Variants in DGCR2 observed in about 807,000 individuals in gnomAD.
DGCR2 encodes the protein DiGeorge syndrome critical region gene 2.
Under a neutral mutation model 51.6 loss-of-function variants are expected in DGCR2, and 24 were observed. That is an observed-to-expected ratio of 0.47 (90% CI 0.34 to 0.65). The LOEUF is 0.65. Ranked by LOEUF, DGCR2 falls within the 30% of genes least tolerant of loss-of-function variation. The probability of loss-of-function intolerance (pLI) is 0.01; values close to 1 mark genes in which losing one functional copy is unlikely to be tolerated. For missense variants in DGCR2, 765 were observed against 772.1 expected (o/e 0.99, Z 0.11); for synonymous variants, 340 against 315.4 (o/e 1.08, Z -0.82).
chr22:19,062,774 TGCTC>T (rs1179793472), intron 5 of DGCR2, among the ~76,000 whole-genome samples: 2 of 113,864 alleles, frequency 1.8e-5, no homozygotes, highest in Non-Finnish European at 3.8e-5. Context: ...CACACATGCA[TGCTC>T]ACTCTCTCTC....
At chr22:19,118,395 AAAAC>A (rs2083395968) in intron 1 of DGCR2, among the ~76,000 whole-genome samples, 1 of 149,924 alleles carries the variant, frequency 6.7e-6, no homozygotes, top group Non-Finnish European at 1.5e-5. Flanking sequence ...AAAAAAAAAA[AAAAC>A]AACTCTGGAC....
At position 19,037,054 on chromosome 22, in the gene DGCR2, T is replaced by A. The variant is rs2082377126; in HGVS notation, c.*1811A>T. ...CACCCATAATGCACATGCCTGCTGC[T>A]CTGGAACCTGGCTGCCCTGCCCCAG... On this transcript the variant is annotated 3_prime_UTR_variant, in exon 10 of 10. Transcript: ENST00000263196. 6.6e-6 allele frequency: 1 copy of A among 152,396 alleles called. No homozygotes were observed. The highest frequency in any genetic ancestry group is 2.4e-5 in the African/African-American group (1 of 41,452). The allele number at this position is 152,396 out of a possible 1,614,324, so 9.4% of individuals were successfully genotyped here. A position where few individuals can be genotyped will look rare whatever the true frequency, so the allele number is the denominator to read the frequency against.
At chr22:19,064,434 G>T (rs556006115) in intron 4 of DGCR2, among the ~76,000 whole-genome samples, 73 of 152,212 alleles carry the variant, frequency 4.8e-4, no homozygotes, top group Admixed American at 1.8e-3. Context: ...GTCTTGAAGC[G>T]AAGGCCCCCT....
At chr22:19,114,649 C>T (rs1324452211) in intron 1 of DGCR2, among the ~76,000 whole-genome samples, 1 of 152,224 alleles carries the variant, frequency 6.6e-6, no homozygotes, top group African/African-American at 2.4e-5. Context: ...CTGGCCCGGT[C>T]CTGTGGTCAG....
rs568148185 is a variant in DGCR2, at chr22:19,117,299, A to G, written c.79+4829T>C. Among the ~76,000 whole-genome samples, 11 of 152,354 alleles carry G rather than the reference A, an allele frequency of 7.2e-5. No homozygotes were observed. The East Asian group carries it at 2.1e-3, about 29-fold the overall frequency. On this transcript the variant is annotated intron_variant, in intron 1 of 9. Coordinates refer to ENST00000263196, the MANE Select transcript of DGCR2 (RefSeq NM_005137.3). ...GAAGGCGCAGCCTAACACAGCACAA[A>G]TCTTCCACAACAGCAGTCTTCATTC...
At chr22:19,093,992 A>C (rs2083109788) in intron 1 of DGCR2, among the ~76,000 whole-genome samples, 1 of 151,134 alleles carries the variant, frequency 6.6e-6, no homozygotes, top group Admixed American at 6.6e-5. Context: ...GGCAACAGCA[A>C]GACCTCCCCA....
intron 2 of DGCR2, among the ~76,000 whole-genome samples, chr22:19,083,086 C>CAAAAAA (rs60335630): frequency 8.5e-6 from 1 of 118,264 alleles, no homozygotes. Context: ...GACCTTGTCT[C>CAAAAAA]AAAAAAAAAA....
chr22:19,065,054 C>T lies in DGCR2; in HGVS notation c.342G>A (p.Lys114=). The change falls in exon 4 of 10, where the codon AAG becomes AAA. Residue 114 remains lysine (K), a synonymous_variant. Coordinates refer to ENST00000263196, the MANE Select transcript of DGCR2 (RefSeq NM_005137.3). The part of the protein sequence containing the change: ...QPVRFSSFLG[K]CPTGWHHYEG... ...CGTAGTGGTGCCACCCTGTCGGGCA[C>T]TTCCCTAGGAAACATAAAGGACAGA... 1 of 1,613,888 alleles carries T rather than the reference C, an allele frequency of 6.2e-7. No individual in the cohort carries two copies. The highest frequency in any genetic ancestry group is 8.5e-7 in the Non-Finnish European group (1 of 1,180,000).
chr22:19,063,210 G>C lies in DGCR2; in HGVS notation c.617C>G (p.Ala206Gly), dbSNP rs931311506. The C allele has an allele frequency of 6.2e-7, 1 of 1,614,122 alleles. No homozygotes were observed. The highest frequency in any genetic ancestry group is 8.5e-7 in the Non-Finnish European group (1 of 1,179,994). Reference protein sequence around the residue: ...NRSLEGRWEVAFKGSSEVFLP... With the variant: ...NRSLEGRWEVGFKGSSEVFLP... ...ACACCAGAAGGGCTCACCTTTGAAT[G>C]CCACCTCCCAGCGACCTTCCAAGGA... Residue 206 changes from alanine (A) to glycine (G), a missense_variant, in exon 5 of 10, where the codon GCA becomes GGA. Coordinates refer to ENST00000263196, the MANE Select transcript of DGCR2 (RefSeq NM_005137.3).
chr22:19,062,713 A>G lies in DGCR2; in HGVS notation c.625+489T>C, dbSNP rs751918777. ...AGGAAACAGCAGCCATGTTTCCTTT[A>G]CGTCGTCTTGGTATTTCCAAGCAGC... is the stretch of plus-strand genomic sequence containing the variant. On this transcript the variant is annotated intron_variant, in intron 5 of 9. Coordinates refer to ENST00000263196, the MANE Select transcript of DGCR2 (RefSeq NM_005137.3). Among the ~76,000 whole-genome samples the G allele has an allele frequency of 3.3e-5, 5 of 151,182 alleles. No individual in the cohort carries two copies. In the East Asian group the frequency reaches 9.7e-4, roughly 29 times the overall value.
chr22:19,041,190 C>A lies in DGCR2; in HGVS notation c.1264G>T (p.Gly422Trp). 3.7e-6 allele frequency: 6 copies of A among 1,613,938 alleles called. No homozygotes were observed. The highest frequency in any genetic ancestry group is 4.2e-6 in the Non-Finnish European group (5 of 1,179,952). Residue 422 changes from glycine to tryptophan, a missense_variant, in exon 9 of 10, where the codon GGG (glycine) becomes TGG (tryptophan). Coordinates refer to ENST00000263196, the MANE Select transcript of DGCR2 (RefSeq NM_005137.3). ...PLHLSDDGEG[G>W]TFHFHDPPPP... Reference sequence around the variant, plus strand: ...GGAGGGTCGTGGAAATGGAAAGTCCCACCCTCTCCGTCGTCAGAAAGATGC... The same window carrying A: ...GGAGGGTCGTGGAAATGGAAAGTCCAACCCTCTCCGTCGTCAGAAAGATGC...
chr22:19,116,425 T>C (rs2083374108), intron 1 of DGCR2, among the ~76,000 whole-genome samples: 1 of 152,204 alleles, frequency 6.6e-6, no homozygotes, highest in South Asian at 2.1e-4. Flanking sequence ...TGGTAAATCA[T>C]GTCAGAAACA....
At chr22:19,102,199 C>A (rs542598079) in intron 1 of DGCR2, among the ~76,000 whole-genome samples, 2 of 152,228 alleles carry the variant, frequency 1.3e-5, no homozygotes, top group African/African-American at 4.8e-5. Flanking sequence ...TGATTTCACT[C>A]ATAAGAAGTA....
intron 5 of DGCR2, chr22:19,061,070 A>G (rs1369435683): frequency 4.2e-6 from 1 of 236,234 alleles, no homozygotes; most frequent in Non-Finnish European, 8.7e-6. Context: ...CTCAGGTACA[A>G]TATTTTCTTA....
At chr22:19,102,571 G>A (rs943773152) in intron 1 of DGCR2, among the ~76,000 whole-genome samples, 7 of 152,058 alleles carry the variant, frequency 4.6e-5, no homozygotes, top group South Asian at 2.1e-4. Flanking sequence ...GCATGGTGGC[G>A]GGCACCTGTA....
chr22:19,098,395 C>T (rs2083165062), intron 1 of DGCR2, among the ~76,000 whole-genome samples: 1 of 152,134 alleles, frequency 6.6e-6, no homozygotes, highest in Admixed American at 6.6e-5. Context: ...CTTCACAGGC[C>T]ACCCTCTCTC....
chr22:19,070,578 A>G (rs1417358378), intron 2 of DGCR2, among the ~76,000 whole-genome samples: 1 of 152,204 alleles, frequency 6.6e-6, no homozygotes, highest in Non-Finnish European at 1.5e-5. Context: ...CTGCCAGGTC[A>G]CATGGGCACC....
intron 2 of DGCR2, among the ~76,000 whole-genome samples, chr22:19,084,412 C>G (rs2082983089): frequency 6.7e-6 from 1 of 149,780 alleles, no homozygotes; most frequent in African/African-American, 2.5e-5. Flanking sequence ...CCGGGCCACC[C>G]CGTCTGAGAA....
intron 5 of DGCR2, among the ~76,000 whole-genome samples, chr22:19,058,755 G>A (rs964589050): frequency 6.6e-6 from 1 of 152,212 alleles, no homozygotes; most frequent in Admixed American, 6.5e-5. Flanking sequence ...GCAGAGTCCT[G>A]GGACCCAGCA....
Sources: allele counts gnomAD v4.1 joint callset (sites outside exome capture counted in the v4.1 genomes callset), GRCh38; gene constraint gnomAD v4.1.1; transcripts MANE v1.5; gene names NCBI Gene and HGNC (gene_info 2026-07-23, HGNC 2026-07-21).